CEP128: variants seen among roughly 807,000 people sequenced by gnomAD.
CEP128 encodes the protein centrosomal protein 128.
A neutral mutation model predicts 156.7 loss-of-function variants in CEP128; 132 were observed. That is an observed-to-expected ratio of 0.84 (90% CI 0.73 to 0.97). The LOEUF (loss-of-function observed/expected upper bound fraction) is 0.97, where lower values mean the gene tolerates loss of function less well. Among genes scored for constraint, CEP128 ranks in the 50% least tolerant of loss-of-function variants. CEP128 has a pLI of 0.00. For synonymous variants in CEP128, 469 were observed against 448.9 expected, an observed-to-expected ratio of 1.04 and a Z score of -0.57; for missense variants, 1,252 against 1,281.9, an observed-to-expected ratio of 0.98 and a Z score of 0.36.
intron 21 of CEP128, among the ~76,000 whole-genome samples, chr14:80,549,846 G>A (rs893075838): frequency 6.6e-6 from 1 of 152,134 alleles, no homozygotes; most frequent in East Asian, 1.9e-4. Flanking sequence ...GTTAGATCCA[G>A]GGTAAAAAGG....
At chr14:80,688,782 G>A (rs1463266812) in intron 19 of CEP128, among the ~76,000 whole-genome samples, 1 of 152,126 alleles carries the variant, frequency 6.6e-6, no homozygotes, top group Non-Finnish European at 1.5e-5. Flanking sequence ...TAGCGCATTT[G>A]AATAAATAAA....
At chr14:80,613,007 A>ATTTTTTTTT (rs66946967) in intron 19 of CEP128, among the ~76,000 whole-genome samples, 2 of 114,698 alleles carry the variant, frequency 1.7e-5, no homozygotes, top group African/African-American at 6.5e-5. Flanking sequence ...CACCCGGCGA[A>ATTTTTTTTT]TTTTTTTTTT....
At chr14:80,612,919 C>T (rs1330778315) in intron 19 of CEP128, among the ~76,000 whole-genome samples, 1 of 151,994 alleles carries the variant, frequency 6.6e-6, no homozygotes, top group Non-Finnish European at 1.5e-5. Flanking sequence ...CGGCTCACTG[C>T]AACCTCCACC....
At chr14:80,739,452 G>A (rs1251038085) in intron 19 of CEP128, among the ~76,000 whole-genome samples, 2 of 151,944 alleles carry the variant, frequency 1.3e-5, no homozygotes, top group Non-Finnish European at 2.9e-5. Context: ...TATCTTCCAG[G>A]ATCCTGCTAT....
chr14:80,499,379 AGC>A (rs1887635986), intron 24 of CEP128, among the ~76,000 whole-genome samples: 2 of 152,220 alleles, frequency 1.3e-5, no homozygotes, highest in African/African-American at 4.8e-5. Context: ...TTCTTTTTAT[AGC>A]AATGTAAACT....
In CEP128 at chr14:80,559,303, C is replaced by T; in HGVS notation, c.2857-1G>A. ...CCGTTTCTAATGCAATTACACGGTC[C>T]TGCAAAGAAAGCATAATATATAATT... On this transcript the variant is annotated splice_acceptor_variant, in intron 20 of 24. Transcript: ENST00000555265. LOFTEE classifies it high-confidence loss of function. 1.3e-6 allele frequency: 2 copies of T among 1,597,890 alleles called. No individual in the cohort carries two copies. The highest frequency in any genetic ancestry group is 1.7e-6 in the Non-Finnish European group (2 of 1,174,292).
At chr14:80,901,801 A>G (rs1369517405) in intron 6 of CEP128, among the ~76,000 whole-genome samples, 1 of 152,156 alleles carries the variant, frequency 6.6e-6, no homozygotes, top group African/African-American at 2.4e-5. Flanking sequence ...AATCCAAGTG[A>G]CCATCAATTC....
chr14:80,642,670 C>T (rs1038099813), intron 19 of CEP128, among the ~76,000 whole-genome samples: 1 of 150,778 alleles, frequency 6.6e-6, no homozygotes, highest in East Asian at 1.9e-4. Flanking sequence ...AACAAACAAA[C>T]AAAGAAAAAG....
chr14:80,629,887 T>A (rs1893893006), intron 19 of CEP128, among the ~76,000 whole-genome samples: 1 of 152,016 alleles, frequency 6.6e-6, no homozygotes, highest in African/African-American at 2.4e-5. Flanking sequence ...TGGTTTTAAG[T>A]AGAAAAATCT....
chr14:80,519,981 C>T (rs1888661199), intron 23 of CEP128, among the ~76,000 whole-genome samples: 1 of 152,166 alleles, frequency 6.6e-6, no homozygotes, highest in African/African-American at 2.4e-5. Flanking sequence ...TATGGGGCTG[C>T]ACCAGATCAT....
chr14:80,508,538 C>A (rs1005862332), intron 23 of CEP128, among the ~76,000 whole-genome samples: 6 of 151,882 alleles, frequency 4.0e-5, no homozygotes, highest in African/African-American at 1.5e-4. Flanking sequence ...TCCTATTGTT[C>A]AAAATTTACA....
intron 6 of CEP128, among the ~76,000 whole-genome samples, chr14:80,491,295 C>G (rs1887315944): frequency 6.6e-6 from 1 of 152,154 alleles, no homozygotes; most frequent in Non-Finnish European, 1.5e-5. Flanking sequence ...CAGAATGAAC[C>G]TTGGCCAGCA....
intron 19 of CEP128, among the ~76,000 whole-genome samples, chr14:80,675,376 T>G (rs946364054): frequency 2.6e-5 from 4 of 152,092 alleles, no homozygotes; most frequent in African/African-American, 7.2e-5. Context: ...AAGATGTTTT[T>G]TAAGAGAAGT....
intron 20 of CEP128, among the ~76,000 whole-genome samples, chr14:80,579,507 A>C (rs73328647): frequency 0.16 from 24,869 of 152,174 alleles, 2,343 homozygotes; most frequent in East Asian, 0.21. Context: ...AGAATCCCCA[A>C]TCACAGAACA....
intron 8 of CEP128, chr14:80,894,580 T>C (rs1889258297): frequency 4.3e-6 from 2 of 463,730 alleles, no homozygotes; most frequent in East Asian, 6.0e-5. Context: ...TATTCCACAT[T>C]AGATACCACA....
chr14:80,477,701 A>G (rs946988081), exon 15 of CEP128: 23 of 152,148 alleles, frequency 1.5e-4, no homozygotes, highest in African/African-American at 4.6e-4. Flanking sequence ...CCTTTTTTCT[A>G]CTTTCCAAAA....
intron 19 of CEP128, among the ~76,000 whole-genome samples, chr14:80,730,116 C>T (rs1348891969): frequency 6.6e-6 from 1 of 152,142 alleles, no homozygotes; most frequent in Non-Finnish European, 1.5e-5. Context: ...TCAATATGAG[C>T]TTACAATTGC....
intron 19 of CEP128, among the ~76,000 whole-genome samples, chr14:80,655,662 T>G (rs1895099620): frequency 6.6e-6 from 1 of 152,150 alleles, no homozygotes; most frequent in South Asian, 2.1e-4. Context: ...AGTATCCAGG[T>G]GACTTCTGTT....
chr14:80,518,344 G>A (rs1480802713), intron 23 of CEP128, among the ~76,000 whole-genome samples: 2 of 151,662 alleles, frequency 1.3e-5, no homozygotes, highest in Non-Finnish European at 2.9e-5. Flanking sequence ...ATTCTTAGTC[G>A]CCCTAGGAAA....
Sources: gnomAD v4.1 joint callset for allele counts (sites outside exome capture counted in the v4.1 genomes callset) on GRCh38, gnomAD v4.1.1 for gene constraint, MANE v1.5 for transcripts, NCBI Gene and HGNC (gene_info 2026-07-23, HGNC 2026-07-21) for gene names.